Variants in NECTIN1 observed in about 807,000 individuals in gnomAD.
NECTIN1 encodes the protein nectin-1.
Under a neutral mutation model 48.0 loss-of-function variants are expected in NECTIN1, and 23 were observed. The ratio of observed to expected loss-of-function variants is 0.48; its 90% confidence interval spans 0.34 to 0.68. NECTIN1 has a LOEUF of 0.68. Among genes scored for constraint, NECTIN1 ranks in the 30% least tolerant of loss-of-function variants. The pLI is 0.01. For missense variants in NECTIN1, 591 were observed against 709.9 expected (o/e 0.83, Z 1.90); for synonymous variants, 270 against 288.9 (o/e 0.93, Z 0.66).
At chr11:119,723,632 T>C (rs1262063573) in intron 1 of NECTIN1, among the ~76,000 whole-genome samples, 1 of 152,232 alleles carries the variant, frequency 6.6e-6, no homozygotes, top group African/African-American at 2.4e-5. Flanking sequence ...CCTGTTACAC[T>C]GAGTTCATCT....
chr11:119,714,669 G>A (rs986753961), intron 1 of NECTIN1, among the ~76,000 whole-genome samples: 3 of 150,280 alleles, frequency 2.0e-5, no homozygotes, highest in African/African-American at 7.4e-5. Flanking sequence ...TCTCCCCATC[G>A]CCAACTTAAT....
intron 6 of NECTIN1, chr11:119,638,891 G>A (rs1864278337): frequency 2.4e-6 from 3 of 1,238,392 alleles, no homozygotes; most frequent in Middle Eastern, 2.0e-4. Flanking sequence ...ACCGGTCCCT[G>A]AGCCCCACTC....
In NECTIN1 at chr11:119,673,119, C is replaced by T. The variant is rs12275341; in HGVS notation, c.1003+2040G>A. On this transcript the variant is annotated intron_variant, in intron 5 of 5. Transcript: ENST00000264025. The surrounding 1 kb of genome is among the most constrained non-coding windows in gnomAD (Gnocchi z 5.8). ...AGAGCAAGGGCATGGCTGTGCCCTG[C>T]GGGGTGGGCTCCCCAGAGAATGTGG... Among the ~76,000 whole-genome samples, 213 of 152,300 alleles carry T rather than the reference C, an allele frequency of 1.4e-3. No homozygotes were observed. Among genetic ancestry groups the T allele is most frequent in the African/African-American group, 5.0e-3 (209 of 41,566 alleles).
intron 1 of NECTIN1, among the ~76,000 whole-genome samples, chr11:119,723,422 C>T (rs577131543): frequency 6.6e-6 from 1 of 152,206 alleles, no homozygotes; most frequent in Non-Finnish European, 1.5e-5. Context: ...TCTCCCTCCA[C>T]CAGGGCCTGG....
Position 119,675,169 on chromosome 11 carries a change from G to T in NECTIN1, c.993C>A (p.Val331=). The T allele has an allele frequency of 2.5e-6, 4 of 1,614,122 alleles. No individual in the cohort carries two copies. The highest frequency in any genetic ancestry group is 3.4e-6 in the Non-Finnish European group (4 of 1,180,024). The part of the protein sequence containing the change: ...PIGTRSGQVE[V]NITEFPYTPS... The stretch of plus-strand genomic sequence containing the variant: ...GATGCAGCTTCCTACCTGTGATATT[G>T]ACCTCCACCTGGCCTGAGCGTGTAC... Residue 331 remains valine (V), a synonymous_variant, in exon 5 of 6, where the codon GTC becomes GTA. Transcript: ENST00000264025.
At chr11:119,721,507 C>CCAT (rs1307822427) in intron 1 of NECTIN1, among the ~76,000 whole-genome samples, 1 of 152,254 alleles carries the variant, frequency 6.6e-6, no homozygotes, top group African/African-American at 2.4e-5. Context: ...AACTAATGTC[C>CCAT]TCTAATGAGA....
rs1865596120 is a variant in NECTIN1 at position 119,709,236 on chromosome 11, C to T, written c.79+19239G>A. On this transcript the variant is annotated intron_variant, in intron 1 of 5. Transcript: ENST00000264025. The surrounding 1 kb of genome is among the most constrained non-coding windows in gnomAD (Gnocchi z 4.1). ...GGGGAAATTAGGGCAGAAAATAACA[C>T]CGTGAAAACAGAACTGTCTGTTCAG... 6.6e-6 allele frequency among the ~76,000 whole-genome samples: 1 copy of T among 152,120 alleles called. No homozygotes were observed. Among genetic ancestry groups the T allele is most frequent in the South Asian group, 2.1e-4 (1 of 4,820 alleles).
At chr11:119,650,528 C>A (rs576688245) in intron 5 of NECTIN1, among the ~76,000 whole-genome samples, 2 of 152,320 alleles carry the variant, frequency 1.3e-5, no homozygotes, top group East Asian at 1.9e-4. Flanking sequence ...TTGTATGGGG[C>A]CTGGGATCCC....
chr11:119,720,029 C>T (rs776080327), intron 1 of NECTIN1, among the ~76,000 whole-genome samples: 3 of 151,232 alleles, frequency 2.0e-5, no homozygotes, highest in South Asian at 2.1e-4. Context: ...GCATGGTGTG[C>T]GGGGGAGGGC....
In NECTIN1 at chr11:119,661,306, C is replaced by T. The variant is rs991699174; in HGVS notation, c.*3441G>A. The T allele has an allele frequency of 2.0e-6, 2 of 986,018 alleles. No homozygotes were observed. Among genetic ancestry groups the T allele is most frequent in the Non-Finnish European group, 2.4e-6 (2 of 830,028 alleles). 61.1% of individuals were successfully genotyped at this position (986,018 alleles called of 1,614,324 possible). A position where few individuals can be genotyped will look rare whatever the true frequency, so the allele number is the denominator to read the frequency against. ...AGCAGGGGTCAGAAGAGCAGCAGCACCGAGTGGGACAGGGGCTCCTCCTGG... is the reference window on the plus strand; with the variant it reads ...AGCAGGGGTCAGAAGAGCAGCAGCATCGAGTGGGACAGGGGCTCCTCCTGG... On this transcript the variant is annotated 3_prime_UTR_variant, in exon 6 of 6. Coordinates refer to ENST00000264025, the MANE Select transcript of NECTIN1 (RefSeq NM_002855.5).
At chr11:119,639,763 G>T in intron 6 of NECTIN1, 2 of 1,506,334 alleles carry the variant, frequency 1.3e-6, no homozygotes, top group Non-Finnish European at 1.8e-6. Context: ...CCCTAGAAAG[G>T]CCCTGAGCTT....
chr11:119,688,826 G>T (rs906439039), intron 1 of NECTIN1, among the ~76,000 whole-genome samples: 11 of 152,122 alleles, frequency 7.2e-5, no homozygotes, highest in African/African-American at 2.4e-4. Flanking sequence ...AGTTGTGTTT[G>T]GGGGAGACAG....
In NECTIN1 at chr11:119,638,941, C is replaced by A. The variant is rs1864279113; in HGVS notation, c.1152-135G>T. The stretch of plus-strand genomic sequence containing the variant: ...GGGAGCTCTGCTTCCCAGGCAGCCT[C>A]CTGAGAGGCCAGAGCTTGGGCTGGG... On this transcript the variant is annotated intron_variant, in intron 6 of 7. Transcript: ENST00000341398. 5.1e-6 allele frequency: 4 copies of A among 782,644 alleles called. No homozygotes were observed. The East Asian group carries it at 1.1e-4, about 21-fold the overall frequency. 48.5% of individuals were successfully genotyped at this position (782,644 alleles called of 1,614,324 possible).
Position 119,676,789 on chromosome 11 carries a change from G to A in NECTIN1, c.851+313C>T, listed in dbSNP as rs958283121. On this transcript the variant is annotated intron_variant, in intron 4 of 5. Coordinates refer to ENST00000264025, the MANE Select transcript of NECTIN1 (RefSeq NM_002855.5). ...AATAAATACTGGGGGGTTGGGGTGG[G>A]AGTGACTCAGACTGAATCACCAAAG... is the stretch of plus-strand genomic sequence containing the variant. 8 of 423,744 alleles carry A rather than the reference G, an allele frequency of 1.9e-5. No homozygotes were observed. The Admixed American group carries it at 2.8e-4, about 15-fold the overall frequency. The allele number at this position is 423,744 out of a possible 1,614,324, so 26.2% of individuals were successfully genotyped here.
intron 4 of NECTIN1, among the ~76,000 whole-genome samples, chr11:119,676,368 G>A (rs1864948036): frequency 6.6e-6 from 1 of 152,220 alleles, no homozygotes; most frequent in Non-Finnish European, 1.5e-5. Flanking sequence ...GGAAGTGGAG[G>A]ATCATAGGTA....
intron 1 of NECTIN1, among the ~76,000 whole-genome samples, chr11:119,719,354 A>G (rs1591488767): frequency 1.3e-5 from 2 of 152,092 alleles, no homozygotes; most frequent in South Asian, 4.1e-4. Flanking sequence ...TTCCTCCATC[A>G]CCTGTCTGCC....
intron 1 of NECTIN1, among the ~76,000 whole-genome samples, chr11:119,705,853 G>T (rs535726450): frequency 3.5e-4 from 54 of 152,256 alleles, no homozygotes; most frequent in African/African-American, 1.3e-3. Context: ...CTGCATCAAG[G>T]TCTACGGAGC....
At chr11:119,721,215 G>C (rs554908749) in intron 1 of NECTIN1, among the ~76,000 whole-genome samples, 1 of 152,232 alleles carries the variant, frequency 6.6e-6, no homozygotes, top group Non-Finnish European at 1.5e-5. Flanking sequence ...GGAGAAGGCC[G>C]GCTCCCCAGA....
intron 6 of NECTIN1, chr11:119,639,772 T>C: frequency 6.4e-7 from 1 of 1,567,400 alleles, no homozygotes; most frequent in Middle Eastern, 1.8e-4. Context: ...GGCCCTGAGC[T>C]TTCACAAGTT....
Sources: gnomAD v4.1 joint callset for allele counts (sites outside exome capture counted in the v4.1 genomes callset) on GRCh38, gnomAD v4.1.1 for gene constraint, Gnocchi (gnomAD v3.1) non-coding constraint, MANE v1.5 for transcripts, NCBI Gene and HGNC (gene_info 2026-07-23, HGNC 2026-07-21) for gene names.